The following CHD9 variants were observed in gnomAD, a reference collection of about 807,000 sequenced individuals.
CHD9 encodes the protein ATP-dependent chromatin remodeler CHD9.
In CHD9, 77 loss-of-function variants were observed where a neutral mutation model predicts 316.1. That is an observed-to-expected ratio of 0.24 (90% CI 0.20 to 0.29). The LOEUF (loss-of-function observed/expected upper bound fraction) is 0.29, where lower values mean the gene tolerates loss of function less well. Ranked by LOEUF, CHD9 falls within the 10% of genes least tolerant of loss-of-function variation. CHD9 has a pLI of 1.00. For synonymous variants in CHD9, 1,129 were observed against 1,158.3 expected, an observed-to-expected ratio of 0.97 and a Z score of 0.51; for missense variants, 2,763 against 3,438.1, an observed-to-expected ratio of 0.80 and a Z score of 4.91.
chr16:53,163,876 GAATACTTAACATATGT>G (rs1786064498), intron 2 of CHD9, among the ~76,000 whole-genome samples: 1 of 152,114 alleles, frequency 6.6e-6, no homozygotes, highest in South Asian at 2.1e-4. Context: ...GCACTGTTCT[GAATACTTAACATATGT>G]TATCACATTG....
intron 1 of CHD9, among the ~76,000 whole-genome samples, chr16:53,104,530 G>A (rs1423739481): frequency 1.3e-5 from 2 of 152,144 alleles, no homozygotes; most frequent in African/African-American, 4.8e-5. Flanking sequence ...GTTACAATGG[G>A]CTAGGTGCAG....
chr16:53,274,833 A>C (rs1597768449), intron 24 of CHD9, among the ~76,000 whole-genome samples: 1 of 152,158 alleles, frequency 6.6e-6, no homozygotes, highest in African/African-American at 2.4e-5. Flanking sequence ...GCGGCTCCTT[A>C]GTCTGTGAAA....
intron 1 of CHD9, among the ~76,000 whole-genome samples, chr16:53,130,557 G>T (rs902861687): frequency 6.7e-6 from 1 of 149,812 alleles, no homozygotes; most frequent in African/African-American, 2.4e-5. Context: ...GCTGCCGGGG[G>T]AGCCCGGACC....
intron 1 of CHD9, among the ~76,000 whole-genome samples, chr16:53,123,679 T>C (rs1035624974): frequency 4.6e-5 from 7 of 152,030 alleles, no homozygotes; most frequent in Non-Finnish European, 1.5e-5. Context: ...TTTTTGTATT[T>C]TTAGTAGAGA....
chr16:53,147,723 T>A (rs2040745783), intron 1 of CHD9, among the ~76,000 whole-genome samples: 1 of 152,232 alleles, frequency 6.6e-6, no homozygotes, highest in Non-Finnish European at 1.5e-5. Flanking sequence ...GATTCTATTA[T>A]AAATATCTGT....
chr16:53,193,016 G>A (rs751824840), intron 2 of CHD9, among the ~76,000 whole-genome samples: 3 of 147,554 alleles, frequency 2.0e-5, no homozygotes, highest in Admixed American at 6.7e-5. Context: ...AGGGTCATAT[G>A]TTGAGTGTAT....
intron 2 of CHD9, among the ~76,000 whole-genome samples, chr16:53,174,649 C>T (rs555564543): frequency 6.6e-6 from 1 of 152,246 alleles, no homozygotes; most frequent in South Asian, 2.1e-4. Context: ...CACTCTGTCA[C>T]CCAGGCTGGA....
At chr16:53,247,706 G>T in intron 16 of CHD9, 1 of 461,486 alleles carries the variant, frequency 2.2e-6, no homozygotes, top group South Asian at 4.1e-5. Flanking sequence ...ATGTGCCTGA[G>T]GAGTCCAATT....
At chr16:53,196,558 A>G (rs2044943932) in intron 2 of CHD9, among the ~76,000 whole-genome samples, 1 of 152,232 alleles carries the variant, frequency 6.6e-6, no homozygotes, top group Non-Finnish European at 1.5e-5. Flanking sequence ...GGTAGATACT[A>G]GAACACCTCA....
At chr16:53,196,755 A>G (rs539053564) in intron 2 of CHD9, among the ~76,000 whole-genome samples, 1 of 152,208 alleles carries the variant, frequency 6.6e-6, no homozygotes, top group Non-Finnish European at 1.5e-5. Context: ...GATCAGATCC[A>G]ATCTAGGATT....
chr16:53,201,297 G>A (rs149688747), intron 2 of CHD9, among the ~76,000 whole-genome samples: 1 of 152,218 alleles, frequency 6.6e-6, no homozygotes, highest in African/African-American at 2.4e-5. Context: ...GCATACTAAT[G>A]TAAAATAGAT....
intron 36 of CHD9, 108 bp downstream of exon 36, chr16:53,315,152 T>A: frequency 1.4e-6 from 1 of 732,356 alleles, no homozygotes; most frequent in Non-Finnish European, 2.3e-6. Context: ...GTGCTCTGCC[T>A]AAGACCTAGG....
chr16:53,183,362 G>A (rs1352034264), intron 2 of CHD9, among the ~76,000 whole-genome samples: 4 of 151,968 alleles, frequency 2.6e-5, no homozygotes, highest in Non-Finnish European at 5.9e-5. Context: ...TTCAGTATAT[G>A]TTTCTGTAAT....
chr16:53,064,788 A>T (rs2033334006), intron 1 of CHD9, among the ~76,000 whole-genome samples: 1 of 152,210 alleles, frequency 6.6e-6, no homozygotes, highest in Admixed American at 6.5e-5. Flanking sequence ...AGCCTGGCCA[A>T]CATGGTGAAA....
At chr16:53,104,995 A>C (rs201486226) in intron 1 of CHD9, among the ~76,000 whole-genome samples, 19 of 151,258 alleles carry the variant, frequency 1.3e-4, no homozygotes, top group South Asian at 2.1e-4. Flanking sequence ...TTAAAAAAAA[A>C]CAAAAAAACA....
At position 53,317,163 on chromosome 16, in the gene CHD9, C is replaced by CA. The variant is rs537619212; in HGVS notation, c.7585-1031dup. On this transcript the variant is annotated intron_variant, in intron 36 of 38. Coordinates refer to ENST00000447540, the MANE Select transcript of CHD9 (RefSeq NM_001308319.2). ...ATGAGCCAAGAGCAAAACTCCATCT[C>CA]AAAAAAAAAAAAAAAAAAGAAAAGA... Among the ~76,000 whole-genome samples the CA allele has an allele frequency of 7.4e-3, 605 of 81,500 alleles. 7 individuals are homozygous for CA. Among genetic ancestry groups the CA allele is most frequent in the Non-Finnish European group, 1.0e-2 (420 of 42,142 alleles). 53.5% of individuals were successfully genotyped at this position (81,500 alleles called of 152,430 possible). A position where few individuals can be genotyped will look rare whatever the true frequency, so the allele number is the denominator to read the frequency against.
At chr16:53,100,412 C>G (rs1243612988) in intron 1 of CHD9, among the ~76,000 whole-genome samples, 1 of 149,344 alleles carries the variant, frequency 6.7e-6, no homozygotes, top group Non-Finnish European at 1.5e-5. Context: ...AATCACTGTT[C>G]CTTTTGAATT....
At position 53,292,384 on chromosome 16, in the gene CHD9, T is replaced by TA. The variant is rs1338632168; in HGVS notation, c.5291-448dup. Among the ~76,000 whole-genome samples the TA allele has an allele frequency of 2.6e-5, 4 of 152,242 alleles. No individual in the cohort carries two copies. The East Asian group carries it at 7.7e-4, about 29-fold the overall frequency. On this transcript the variant is annotated intron_variant, in intron 28 of 38. Transcript: ENST00000447540. The stretch of plus-strand genomic sequence containing the variant: ...TACTAGGTGGATAAAACTTAAAAGT[T>TA]ACATCATTGTCATCTTGAACTTCGA...
chr16:53,274,359 C>G, intron 24 of CHD9, 57 bp downstream of exon 24: 2 of 1,099,302 alleles, frequency 1.8e-6, no homozygotes, highest in Non-Finnish European at 2.6e-6. Context: ...CAGGCAGCTT[C>G]AAGCTCCTGG....
Sources: gnomAD v4.1 joint callset for allele counts (sites outside exome capture counted in the v4.1 genomes callset) on GRCh38, gnomAD v4.1.1 for gene constraint, MANE v1.5 for transcripts, NCBI Gene and HGNC (gene_info 2026-07-23, HGNC 2026-07-21) for gene names.